Variants in ADAM9 observed in about 807,000 individuals in gnomAD.
ADAM9 encodes ADAM metallopeptidase domain 9, also known as disintegrin and metalloproteinase domain-containing protein 9.
A neutral mutation model predicts 108.1 loss-of-function variants in ADAM9; 54 were observed. The ratio of observed to expected loss-of-function variants is 0.50; its 90% CI spans 0.40 to 0.63. The LOEUF is 0.63. ADAM9 is among the 20% of genes least tolerant of loss of function. The pLI is 0.00. For synonymous variants in ADAM9, 316 were observed against 336.0 expected, an observed-to-expected ratio of 0.94 and a Z score of 0.65; for missense variants, 830 against 997.7, an observed-to-expected ratio of 0.83 and a Z score of 2.26.
chr8:39,071,371 C>T lies in ADAM9; in HGVS notation c.1665C>T (p.Phe555=), dbSNP rs1336278742. The change falls in exon 15 of 22, where the codon TTC becomes TTT. Residue 555 remains phenylalanine, a synonymous_variant. Transcript: ENST00000487273. ...GTGACAGATTTGGCAATTGTGGTTT[C>T]TCTGGCAATGAATACAAGAAGTGTG... The part of the protein sequence containing the change: ...SKGDRFGNCG[F]SGNEYKKCAT... The T allele has an allele frequency of 4.3e-6, 7 of 1,613,146 alleles. No homozygotes were observed. The highest frequency in any genetic ancestry group is 5.9e-6 in the Non-Finnish European group (7 of 1,179,844).
intron 12 of ADAM9, among the ~76,000 whole-genome samples, chr8:39,051,344 T>G (rs1445594880): frequency 6.6e-6 from 1 of 152,218 alleles, no homozygotes; most frequent in African/African-American, 2.4e-5. Flanking sequence ...CTGGTTTCAG[T>G]GTGGCTGGTT....
chr8:39,089,820 A>G (rs938265423), intron 18 of ADAM9: 1 of 525,938 alleles, frequency 1.9e-6, no homozygotes, highest in Non-Finnish European at 3.4e-6. Context: ...TGTTTGCTCG[A>G]AGAAATACTG....
intron 16 of ADAM9, among the ~76,000 whole-genome samples, chr8:39,080,388 T>C (rs1298759863): frequency 6.6e-6 from 1 of 152,200 alleles, no homozygotes; most frequent in Non-Finnish European, 1.5e-5. Context: ...CTGGATTTTA[T>C]TGCTAACTGC....
chr8:39,011,605 GA>G, intron 2 of ADAM9, 52 bp from the exon 3 acceptor site: 1 of 1,524,846 alleles, frequency 6.6e-7, no homozygotes, highest in South Asian at 1.1e-5. Flanking sequence ...AGATGTTGTT[GA>G]AAAGTAATTT....
chr8:39,077,459 A>C, intron 16 of ADAM9, 48 bp downstream of exon 16: 2 of 1,509,190 alleles, frequency 1.3e-6, no homozygotes, highest in Non-Finnish European at 1.8e-6. Flanking sequence ...AAAAATTAAA[A>C]AAATTATTAT....
At chr8:39,048,544 C>T (rs1398589210) in intron 12 of ADAM9, among the ~76,000 whole-genome samples, 1 of 152,148 alleles carries the variant, frequency 6.6e-6, no homozygotes, top group Non-Finnish European at 1.5e-5. Context: ...AGTATGTATT[C>T]TGCCACTGTT....
chr8:39,026,193 C>T (rs1207020349), intron 10 of ADAM9, among the ~76,000 whole-genome samples: 1 of 152,088 alleles, frequency 6.6e-6, no homozygotes, highest in Non-Finnish European at 1.5e-5. Flanking sequence ...CCTATCAACC[C>T]GTCATCTAGG....
At chr8:39,100,448 G>A (rs1383546140) in intron 20 of ADAM9, among the ~76,000 whole-genome samples, 9 of 150,608 alleles carry the variant, frequency 6.0e-5, no homozygotes, top group African/African-American at 2.0e-4. Context: ...AGCTGAGATC[G>A]CGCCACTGCA....
intron 12 of ADAM9, among the ~76,000 whole-genome samples, chr8:39,052,449 A>C (rs1837987468): frequency 6.6e-6 from 1 of 152,114 alleles, no homozygotes; most frequent in Non-Finnish European, 1.5e-5. Context: ...TGAAATTTAA[A>C]ATTTAAATGA....
chr8:39,084,663 C>T (rs1029677098), intron 18 of ADAM9, among the ~76,000 whole-genome samples: 15 of 151,432 alleles, frequency 9.9e-5, no homozygotes, highest in Non-Finnish European at 2.1e-4. Flanking sequence ...GAAAAGAATG[C>T]GTATTCTACT....
At chr8:39,008,981 T>C (rs1219789353) in intron 2 of ADAM9, among the ~76,000 whole-genome samples, 1 of 152,218 alleles carries the variant, frequency 6.6e-6, no homozygotes, top group Non-Finnish European at 1.5e-5. Flanking sequence ...TTATGAATTG[T>C]ATTAATATCT....
intron 15 of ADAM9, among the ~76,000 whole-genome samples, chr8:39,072,227 A>G (rs368324378): frequency 3.9e-5 from 6 of 152,358 alleles, no homozygotes; most frequent in East Asian, 1.9e-4. Context: ...CACTAATATC[A>G]GTGAAATTAT....
rs34398586 is a variant in ADAM9 at position 39,071,465 on chromosome 8, CT to C, written c.1697+82del. ...TTATAAGATCCGTCATCTCTAGTAT[CT>C]TTTTTTTTTTTTTTTTTTTGAGACG... is the stretch of plus-strand genomic sequence containing the variant. On this transcript the variant is annotated intron_variant, in intron 15 of 21. Coordinates refer to ENST00000487273, the MANE Select transcript of ADAM9 (RefSeq NM_003816.3). The C allele has an allele frequency of 0.32, 188,218 of 581,562 alleles. 6,539 individuals carry two copies. The highest frequency in any genetic ancestry group is 0.42 in the East Asian group (9,523 of 22,862). The allele number at this position is 581,562 out of a possible 1,614,324, so 36.0% of individuals were successfully genotyped here.
intron 11 of ADAM9, among the ~76,000 whole-genome samples, chr8:39,029,199 GTGAAC>G (rs1228380854): frequency 6.6e-6 from 1 of 150,398 alleles, no homozygotes; most frequent in African/African-American, 2.5e-5. Context: ...TAGAAAGGGA[GTGAAC>G]TGTTCATTAC....
intron 20 of ADAM9, among the ~76,000 whole-genome samples, chr8:39,094,990 A>G (rs1226516523): frequency 1.3e-5 from 2 of 152,104 alleles, no homozygotes; most frequent in Non-Finnish European, 2.9e-5. Context: ...TTGAGGTGTA[A>G]CATTAGGTTA....
chr8:39,033,731 A>C (rs548962892), intron 11 of ADAM9, among the ~76,000 whole-genome samples: 44 of 152,278 alleles, frequency 2.9e-4, no homozygotes, highest in African/African-American at 1.0e-3. Flanking sequence ...ATCTGAAATG[A>C]ATCTCAGTTT....
rs754936011 is a variant in ADAM9, at chr8:39,023,226, A to G, written c.815A>G (p.Asn272Ser). 2.5e-6 allele frequency: 4 copies of G among 1,613,888 alleles called. No homozygotes were observed. The highest frequency in any genetic ancestry group is 3.4e-6 in the Non-Finnish European group (4 of 1,179,918). Residue 272 changes from asparagine (N) to serine (S), a missense_variant, in exon 9 of 22, where the codon AAC becomes AGC. Transcript: ENST00000487273. The stretch of plus-strand genomic sequence containing the variant: ...ATTTGGACCAATGGAAACCTGATCA[A>G]CATAGTTGGGGGTGCTGGTGATGTG... ...LEIWTNGNLI[N>S]IVGGAGDVLG...
At position 39,055,616 on chromosome 8, in the gene ADAM9, G is replaced by A. The variant is rs767867340; in HGVS notation, c.1435G>A (p.Glu479Lys). The A allele has an allele frequency of 3.7e-6, 6 of 1,613,766 alleles. No individual in the cohort carries two copies. Among genetic ancestry groups the A allele is most frequent in the Non-Finnish European group, 5.1e-6 (6 of 1,179,718 alleles). The change falls in exon 14 of 22, where the codon GAG (glutamate) becomes AAG (lysine). Residue 479 changes from glutamate (E) to lysine (K), a missense_variant. Coordinates refer to ENST00000487273, the MANE Select transcript of ADAM9 (RefSeq NM_003816.3). ...GGTLCRGKTS[E>K]CDVPEYCNGS... Reference sequence around the variant, plus strand: ...TACTTTATGCCGAGGAAAAACCAGTGAGTGTGATGTTCCAGAGTACTGCAA... The same window carrying A: ...TACTTTATGCCGAGGAAAAACCAGTAAGTGTGATGTTCCAGAGTACTGCAA...
intron 15 of ADAM9, among the ~76,000 whole-genome samples, chr8:39,075,440 T>C: frequency 6.6e-6 from 1 of 152,216 alleles, no homozygotes; most frequent in Non-Finnish European, 1.5e-5. Flanking sequence ...TCCTGACCAG[T>C]GTTTCACTTT....
Sources: gnomAD v4.1 joint callset for allele counts (sites outside exome capture counted in the v4.1 genomes callset) on GRCh38, gnomAD v4.1.1 for gene constraint, MANE v1.5 for transcripts, NCBI Gene and HGNC (gene_info 2026-07-23, HGNC 2026-07-21) for gene names.